LRRC72: variants seen among roughly 807,000 people sequenced by gnomAD.
LRRC72 encodes the protein leucine rich repeat containing 72.
Under a neutral mutation model 35.8 loss-of-function variants are expected in LRRC72, and 41 were observed. The observed-to-expected ratio is 1.15, with a 90% CI of 0.89 to 1.49. LRRC72 has a LOEUF of 1.49. LRRC72 is among the 40% of genes most tolerant of loss of function. The pLI is 0.00. For synonymous variants in LRRC72, 118 were observed against 119.2 expected (o/e 0.99, Z 0.07); for missense variants, 389 against 330.7 (o/e 1.18, Z -1.37).
At chr7:16,541,252 T>C (rs10279286) in intron 3 of LRRC72, among the ~76,000 whole-genome samples, 14,932 of 152,284 alleles carry the variant, frequency 0.098, 820 homozygotes, top group East Asian at 0.15. Flanking sequence ...ATACAGTATA[T>C]TGATAACCCA....
chr7:16,555,646 C>A (rs1782637866), intron 3 of LRRC72, among the ~76,000 whole-genome samples: 1 of 152,098 alleles, frequency 6.6e-6, no homozygotes, highest in African/African-American at 2.4e-5. Context: ...GCGGCATGTG[C>A]CTGTAGTCCC....
chr7:16,563,164 C>A (rs775698684), intron 5 of LRRC72, among the ~76,000 whole-genome samples: 3 of 152,134 alleles, frequency 2.0e-5, no homozygotes, highest in Non-Finnish European at 2.9e-5. Flanking sequence ...TTATTAATTA[C>A]ATCAACTTTC....
chr7:16,569,425 A>T (rs995261563), intron 7 of LRRC72, among the ~76,000 whole-genome samples: 3 of 152,092 alleles, frequency 2.0e-5, no homozygotes, highest in African/African-American at 7.2e-5. Context: ...TAAAAAACAA[A>T]AAAACAAGGA....
At chr7:16,569,255 C>T (rs983719979) in intron 7 of LRRC72, among the ~76,000 whole-genome samples, 2 of 151,960 alleles carry the variant, frequency 1.3e-5, no homozygotes, top group Non-Finnish European at 1.5e-5. Flanking sequence ...TGAAGAAACC[C>T]CATCTCTACT....
At chr7:16,531,126 T>A (rs1334633030) in intron 1 of LRRC72, among the ~76,000 whole-genome samples, 2 of 149,232 alleles carry the variant, frequency 1.3e-5, no homozygotes, top group Non-Finnish European at 3.0e-5. Flanking sequence ...GAGGTTGCAG[T>A]GAGCTGAAAT....
At chr7:16,573,988 A>C (rs1782994137) in intron 7 of LRRC72, among the ~76,000 whole-genome samples, 1 of 152,248 alleles carries the variant, frequency 6.6e-6, no homozygotes, top group African/African-American at 2.4e-5. Flanking sequence ...AAGTGAGTGA[A>C]GCATATGAAC....
intron 1 of LRRC72, among the ~76,000 whole-genome samples, chr7:16,528,394 C>G (rs7806965): frequency 0.65 from 98,216 of 151,798 alleles, 32,517 homozygotes; most frequent in East Asian, 0.85. Context: ...CTTGACCAGT[C>G]TGTTCCACCA....
At chr7:16,574,920 A>C (rs1345459833) in intron 7 of LRRC72, among the ~76,000 whole-genome samples, 1 of 152,118 alleles carries the variant, frequency 6.6e-6, no homozygotes. Context: ...GTTTCAGACC[A>C]GCCTGGCCAA....
chr7:16,556,486 T>G (rs564019219), intron 3 of LRRC72, among the ~76,000 whole-genome samples: 77 of 152,242 alleles, frequency 5.1e-4, no homozygotes, highest in Non-Finnish European at 8.2e-4. Context: ...GATTATACTG[T>G]GCCTTGCCCT....
At chr7:16,557,762 G>T (rs896945592) in intron 4 of LRRC72, among the ~76,000 whole-genome samples, 1 of 152,052 alleles carries the variant, frequency 6.6e-6, no homozygotes, top group Non-Finnish European at 1.5e-5. Context: ...TTTATAAATA[G>T]TCTTAAAATT....
In LRRC72 at chr7:16,526,938, C is replaced by A; in HGVS notation, c.-15C>A. 7.2e-6 allele frequency: 11 copies of A among 1,537,662 alleles called. No homozygotes were observed. Among genetic ancestry groups the A allele is most frequent in the Middle Eastern group, 1.7e-4 (1 of 5,988 alleles). The stretch of plus-strand genomic sequence containing the variant: ...CCGGATTAATCACCGCTGCTTCGGC[C>A]GCCCATGTGTCCTGATGTCCTGGGA... On this transcript the variant is annotated 5_prime_UTR_variant, in exon 1 of 9. Transcript: ENST00000401542.
intron 5 of LRRC72, among the ~76,000 whole-genome samples, chr7:16,562,475 G>A (rs1289971956): frequency 6.6e-6 from 1 of 152,196 alleles, no homozygotes; most frequent in Non-Finnish European, 1.5e-5. Context: ...TCCACTGTTG[G>A]AAAGTATGCT....
chr7:16,548,439 A>G (rs1032383895), intron 3 of LRRC72, among the ~76,000 whole-genome samples: 7 of 152,138 alleles, frequency 4.6e-5, no homozygotes, highest in Admixed American at 4.6e-4. Flanking sequence ...CAGACCTAGG[A>G]GCTCCCCAAG....
intron 5 of LRRC72, among the ~76,000 whole-genome samples, chr7:16,561,203 T>C (rs1782739177): frequency 3.3e-5 from 5 of 152,216 alleles, no homozygotes; most frequent in African/African-American, 2.4e-5. Flanking sequence ...TATACCTATA[T>C]AGGGCTTACA....
chr7:16,557,456 C>A lies in LRRC72; in HGVS notation c.316+15C>A. ...TGAGATAGAAGGTACGTCTTAAATTCTCTGTTGATTTAATAAATTTTCAAT... is the reference window on the plus strand; with the variant it reads ...TGAGATAGAAGGTACGTCTTAAATTATCTGTTGATTTAATAAATTTTCAAT... On this transcript the variant is annotated intron_variant, in intron 4 of 8. Transcript: ENST00000401542. 1 of 1,060,908 alleles carries A rather than the reference C, an allele frequency of 9.4e-7. No homozygotes were observed. Among genetic ancestry groups the A allele is most frequent in the Non-Finnish European group, 1.3e-6 (1 of 796,124 alleles). The allele number at this position is 1,060,908 out of a possible 1,614,324, so 65.7% of individuals were successfully genotyped here.
intron 3 of LRRC72, among the ~76,000 whole-genome samples, chr7:16,539,205 T>C (rs1195919815): frequency 6.6e-6 from 1 of 152,188 alleles, no homozygotes; most frequent in Non-Finnish European, 1.5e-5. Flanking sequence ...GCTGAGGTGA[T>C]CTCAGATGGA....
intron 7 of LRRC72, among the ~76,000 whole-genome samples, chr7:16,575,481 G>A (rs1406342454): frequency 2.0e-5 from 3 of 152,200 alleles, no homozygotes; most frequent in Non-Finnish European, 4.4e-5. Flanking sequence ...TAGTACCAGT[G>A]TGGGATTAGA....
At chr7:16,541,281 T>C (rs1322396886) in intron 3 of LRRC72, among the ~76,000 whole-genome samples, 2 of 152,260 alleles carry the variant, frequency 1.3e-5, no homozygotes, top group East Asian at 3.8e-4. Context: ...ATTTTGAATG[T>C]AGACTTTCAA....
Position 16,543,650 on chromosome 7 carries a change from G to A in LRRC72, c.234+5954G>A, listed in dbSNP as rs187448136. 1.4e-3 allele frequency among the ~76,000 whole-genome samples: 216 copies of A among 152,312 alleles called. 1 individual carries two copies. Among genetic ancestry groups the A allele is most frequent in the African/African-American group, 4.9e-3 (202 of 41,564 alleles). On this transcript the variant is annotated intron_variant, in intron 3 of 8. Transcript: ENST00000401542. ...ATCCCACTCTTCTGGCAGGTGATTA[G>A]TCACTGAACAGGCATCTAACCTAAT...
Sources: gnomAD v4.1 joint callset for allele counts (sites outside exome capture counted in the v4.1 genomes callset) on GRCh38, gnomAD v4.1.1 for gene constraint, MANE v1.5 for transcripts, NCBI Gene and HGNC (gene_info 2026-07-23, HGNC 2026-07-21) for gene names.